Variants in CAMSAP3 observed in about 807,000 individuals in gnomAD.
CAMSAP3 encodes the protein calmodulin-regulated spectrin-associated protein 3.
A neutral mutation model predicts 112.5 loss-of-function variants in CAMSAP3; 34 were observed. The observed-to-expected ratio is 0.30, with a 90% CI of 0.23 to 0.40. CAMSAP3 has a LOEUF of 0.40. CAMSAP3 is among the 10% of genes least tolerant of loss of function. CAMSAP3 has a pLI of 1.00. For missense variants in CAMSAP3, 1,602 were observed against 1,770.3 expected (o/e 0.90, Z 1.71); for synonymous variants, 868 against 799.8 (o/e 1.09, Z -1.44).
At chr19:7,601,505 G>C (rs1022395551) in intron 1 of CAMSAP3, among the ~76,000 whole-genome samples, 1 of 151,868 alleles carries the variant, frequency 6.6e-6, no homozygotes, top group Admixed American at 6.6e-5. Flanking sequence ...TTTTAGTAGA[G>C]GTGGGGTTTC....
Position 7,612,870 on chromosome 19 carries a change from C to G in CAMSAP3, c.2377C>G (p.Pro793Ala). Residue 793 changes from proline to alanine, a missense_variant, in exon 11 of 17, where the codon CCC (proline) becomes GCC (alanine). Transcript: ENST00000160298. ...HTRPAELRLAPLTRVLTPPHD... is the reference protein window; with the variant it reads ...HTRPAELRLAALTRVLTPPHD... The stretch of plus-strand genomic sequence containing the variant: ...GCGGCCAGCGGAGCTGCGGCTGGCA[C>G]CCTTGACCAGGGTGCTTACGCCACC... 2 of 1,604,824 alleles carry G rather than the reference C, an allele frequency of 1.2e-6. No individual in the cohort carries two copies. The highest frequency in any genetic ancestry group is 1.7e-5 in the Admixed American group (1 of 59,728).
intron 1 of CAMSAP3, among the ~76,000 whole-genome samples, chr19:7,596,671 C>T (rs888615437): frequency 6.6e-6 from 1 of 151,990 alleles, no homozygotes; most frequent in Non-Finnish European, 1.5e-5. Context: ...CCAACACACA[C>T]CCCGCGTCGG....
intron 14 of CAMSAP3, 35 bp downstream of exon 14, chr19:7,616,657 C>G: frequency 6.6e-7 from 1 of 1,506,916 alleles, no homozygotes; most frequent in Non-Finnish European, 9.1e-7. Flanking sequence ...GTTCGTATGC[C>G]GGGTGGCTTC....
Position 7,611,426 on chromosome 19 carries a change from C to A in CAMSAP3, c.1124-91C>A. The A allele has an allele frequency of 2.4e-6, 3 of 1,260,308 alleles. No homozygotes were observed. Among genetic ancestry groups the A allele is most frequent in the Non-Finnish European group, 3.3e-6 (3 of 906,144 alleles). The allele number at this position is 1,260,308 out of a possible 1,614,324, so 78.1% of individuals were successfully genotyped here. ...CATAATGAGCCATCAGTGACTCACC[C>A]AATGACCTTGCAGAGGTTGTCCCCA... On this transcript the variant is annotated intron_variant, in intron 9 of 16. Transcript: ENST00000160298. The surrounding 1 kb of genome is among the most constrained non-coding windows in gnomAD (Gnocchi z 6.9).
chr19:7,618,181 C>T lies in CAMSAP3; in HGVS notation c.*124C>T. On this transcript the variant is annotated 3_prime_UTR_variant, in exon 17 of 17. Coordinates refer to ENST00000160298, the MANE Select transcript of CAMSAP3 (RefSeq NM_020902.2). ...CGTGTCTGGGTGGGGCTGGAGTCTC[C>T]ACCCTCTGACTTTGAGTCCAGTCCT... 3 of 1,103,460 alleles carry T rather than the reference C, an allele frequency of 2.7e-6. No homozygotes were observed. The highest frequency in any genetic ancestry group is 3.8e-6 in the Non-Finnish European group (3 of 788,600). The allele number at this position is 1,103,460 out of a possible 1,614,324, so 68.4% of individuals were successfully genotyped here. A position where few individuals can be genotyped will look rare whatever the true frequency, so the allele number is the denominator to read the frequency against.
Position 7,615,695 on chromosome 19 carries a change from C to G in CAMSAP3, c.3088C>G (p.Arg1030Gly). 1.4e-6 allele frequency: 2 copies of G among 1,411,966 alleles called. No individual in the cohort carries two copies. Among genetic ancestry groups the G allele is most frequent in the Non-Finnish European group, 1.8e-6 (2 of 1,089,160 alleles). 87.5% of individuals were successfully genotyped at this position (1,411,966 alleles called of 1,614,324 possible). A position where few individuals can be genotyped will look rare whatever the true frequency, so the allele number is the denominator to read the frequency against. Residue 1030 changes from arginine to glycine, a missense_variant, in exon 13 of 17, where the codon CGA (arginine) becomes GGA (glycine). Arg to Gly is a moderately radical substitution (Grantham distance 125, BLOSUM62 -2). Transcript: ENST00000160298. The surrounding 1 kb of genome is among the most constrained non-coding windows in gnomAD (Gnocchi z 6.5). ...SGCCDDSALA[R>G]SPARGLLGSR... is the part of the protein sequence containing the mutation. ...TTGCTGTGACGACTCAGCCCTGGCA[C>G]GAAGCCCAGCCCGCGGCCTGCTGGG... is the stretch of plus-strand genomic sequence containing the variant.
At chr19:7,598,615 C>T (rs2029861715) in intron 1 of CAMSAP3, among the ~76,000 whole-genome samples, 1 of 152,096 alleles carries the variant, frequency 6.6e-6, no homozygotes, top group Non-Finnish European at 1.5e-5. Flanking sequence ...CGATGAATCC[C>T]CGTCTCTACT....
At position 7,615,348 on chromosome 19, in the gene CAMSAP3, C is replaced by T. The variant is rs113695207; in HGVS notation, c.2810+26C>T. 1.3e-6 allele frequency: 2 copies of T among 1,535,568 alleles called. No individual in the cohort carries two copies. Among genetic ancestry groups the T allele is most frequent in the Middle Eastern group, 1.8e-4 (1 of 5,664 alleles). On this transcript the variant is annotated intron_variant, in intron 12 of 16. Coordinates refer to ENST00000160298, the MANE Select transcript of CAMSAP3 (RefSeq NM_020902.2). This position sits in a 1 kb window ranked among gnomAD's most constrained non-coding sequence, Gnocchi z 6.5. ...GTGAGGCCGGGCCTGCCCGGGACGC[C>T]CGCTCCTTGGCCTGTCTGCCACCGC... is the stretch of plus-strand genomic sequence containing the variant.
intron 11 of CAMSAP3, 190 bp from the exon 12 acceptor site, chr19:7,614,993 T>A (rs2030702142): frequency 3.0e-6 from 2 of 670,078 alleles, no homozygotes; most frequent in Admixed American, 2.5e-5. Flanking sequence ...GCACCCAGTG[T>A]ATCCCATCCC....
chr19:7,608,824 G>A (rs1158723676), intron 5 of CAMSAP3, among the ~76,000 whole-genome samples: 4 of 151,498 alleles, frequency 2.6e-5, no homozygotes, highest in South Asian at 2.1e-4. Flanking sequence ...TAGTAGAGAC[G>A]GGTTTCACCG....
Position 7,610,315 on chromosome 19 carries a change from C to T in CAMSAP3, c.761-161C>T, listed in dbSNP as rs984446731. On this transcript the variant is annotated intron_variant, in intron 5 of 16. Coordinates refer to ENST00000160298, the MANE Select transcript of CAMSAP3 (RefSeq NM_020902.2). The surrounding 1 kb of genome is among the most constrained non-coding windows in gnomAD (Gnocchi z 4.9). ...CCTGGGTGACAGAGCGAGACTCCAT[C>T]TCAAAAAAAAAAAAAAAAGAATTCA... 2.2e-5 allele frequency among the ~76,000 whole-genome samples: 3 copies of T among 137,352 alleles called. No homozygotes were observed. The highest frequency in any genetic ancestry group is 3.1e-5 in the Non-Finnish European group (2 of 64,330). 90.1% of individuals were successfully genotyped at this position (137,352 alleles called of 152,430 possible).
In CAMSAP3 at chr19:7,607,751, C is replaced by A. The variant is rs545335540; in HGVS notation, c.622-375C>A. Reference sequence around the variant, plus strand: ...AGGGTCAGGGCTACCCCCTCCCCCCCAAGGTGGGCTTGGGGGCCCAGCAGG... The same window carrying A: ...AGGGTCAGGGCTACCCCCTCCCCCCAAAGGTGGGCTTGGGGGCCCAGCAGG... On this transcript the variant is annotated intron_variant, in intron 4 of 16. Transcript: ENST00000160298. This position sits in a 1 kb window ranked among gnomAD's most constrained non-coding sequence, Gnocchi z 4.9. The A allele has an allele frequency of 3.8e-5, 22 of 580,282 alleles. No individual in the cohort carries two copies. The highest frequency in any genetic ancestry group is 1.1e-4 in the African/African-American group (6 of 52,312). 35.9% of individuals were successfully genotyped at this position (580,282 alleles called of 1,614,324 possible).
At chr19:7,614,463 C>T (rs2030677750) in intron 11 of CAMSAP3, among the ~76,000 whole-genome samples, 1 of 150,948 alleles carries the variant, frequency 6.6e-6, no homozygotes, top group South Asian at 2.1e-4. Context: ...TCTCTTGTCT[C>T]ACCCTCCTGA....
chr19:7,599,681 C>T (rs1267870409), intron 1 of CAMSAP3, among the ~76,000 whole-genome samples: 3 of 72,394 alleles, frequency 4.1e-5, no homozygotes, highest in Non-Finnish European at 2.8e-5. Context: ...ACCCACCCCA[C>T]TCATCCATCC....
rs200273174 is a variant in CAMSAP3 at position 7,611,788 on chromosome 19, C to T, written c.1295C>T (p.Ser432Leu). The T allele has an allele frequency of 1.0e-5, 16 of 1,597,212 alleles. No homozygotes were observed. Among genetic ancestry groups the T allele is most frequent in the South Asian group, 3.4e-5 (3 of 88,816 alleles). ...CCTGTGCTCCTCCGCTCTGTGAGCT[C>T]GGACAGCCTGGGCCCCCCGCGTCCC... ...GDPVLLRSVS[S>L]DSLGPPRPAP... Residue 432 changes from serine to leucine, a missense_variant, in exon 11 of 17, where the codon TCG becomes TTG. Transcript: ENST00000160298. The surrounding 1 kb of genome is among the most constrained non-coding windows in gnomAD (Gnocchi z 6.9).
chr19:7,616,480 C>A, intron 13 of CAMSAP3, 43 bp from the exon 14 acceptor site: 2 of 1,378,858 alleles, frequency 1.5e-6, no homozygotes, highest in Non-Finnish European at 2.1e-6. Context: ...TTGTGGAGGG[C>A]AGGGGCTTCT....
intron 4 of CAMSAP3, chr19:7,606,784 C>T (rs775694314): frequency 1.9e-6 from 3 of 1,613,728 alleles, no homozygotes; most frequent in Non-Finnish European, 1.7e-6. Context: ...CAGTGCCCTA[C>T]GCGCTGGTAC....
chr19:7,617,894 C>A lies in CAMSAP3; in HGVS notation c.3587C>A (p.Ala1196Asp). ...TATGGGCCCCGGACCGTCACGCCCG[C>A]CATGGTGGAAGGCATCTACAAGTAC... is the stretch of plus-strand genomic sequence containing the variant. Reference protein sequence around the residue: ...AGYGPRTVTPAMVEGIYKYNS... With the variant: ...AGYGPRTVTPDMVEGIYKYNS... Residue 1196 changes from alanine (A) to aspartate (D), a missense_variant, in exon 17 of 17, where the codon GCC (alanine) becomes GAC (aspartate). Transcript: ENST00000160298. The surrounding 1 kb of genome is among the most constrained non-coding windows in gnomAD (Gnocchi z 7.5). 1 of 1,614,004 alleles carries A rather than the reference C, an allele frequency of 6.2e-7. No homozygotes were observed. The highest frequency in any genetic ancestry group is 2.2e-5 in the East Asian group (1 of 44,882).
chr19:7,611,574 A>G lies in CAMSAP3; in HGVS notation c.1181A>G (p.Asn394Ser). 1 of 1,612,384 alleles carries G rather than the reference A, an allele frequency of 6.2e-7. No homozygotes were observed. Among genetic ancestry groups the G allele is most frequent in the South Asian group, 1.1e-5 (1 of 91,028 alleles). ...SHMEALGKAW[N>S]RQLSRPLSQA... Reference sequence around the variant, plus strand: ...ATGGAGGCCCTGGGCAAGGCCTGGAACCGGCAGCTCAGGTGAGTAGACCTC... The same window carrying G: ...ATGGAGGCCCTGGGCAAGGCCTGGAGCCGGCAGCTCAGGTGAGTAGACCTC... Residue 394 changes from asparagine to serine, a missense_variant, in exon 10 of 17, where the codon AAC (asparagine) becomes AGC (serine). Coordinates refer to ENST00000160298, the MANE Select transcript of CAMSAP3 (RefSeq NM_020902.2). This position sits in a 1 kb window ranked among gnomAD's most constrained non-coding sequence, Gnocchi z 6.9.
Sources: allele counts gnomAD v4.1 joint callset (sites outside exome capture counted in the v4.1 genomes callset), GRCh38; gene constraint gnomAD v4.1.1; non-coding constraint Gnocchi (gnomAD v3.1); transcripts MANE v1.5; gene names NCBI Gene and HGNC (gene_info 2026-07-23, HGNC 2026-07-21).